RBM19: variants seen among roughly 807,000 people sequenced by gnomAD.
RBM19 encodes the protein RNA binding motif protein 19.
Under a neutral mutation model 116.8 loss-of-function variants are expected in RBM19, and 94 were observed. The observed-to-expected ratio is 0.80, with a 90% confidence interval of 0.68 to 0.95. The LOEUF is 0.95. Ranked by LOEUF, RBM19 falls within the 40% of genes least tolerant of loss-of-function variation. RBM19 has a pLI of 0.00. For missense variants in RBM19, 1,161 were observed against 1,220.7 expected (o/e 0.95, Z 0.73); for synonymous variants, 475 against 494.1 (o/e 0.96, Z 0.51).
chr12:113,945,040 G>A (rs1176652483), intron 13 of RBM19, among the ~76,000 whole-genome samples: 2 of 152,094 alleles, frequency 1.3e-5, no homozygotes, highest in Non-Finnish European at 2.9e-5. Context: ...TAATATAAAT[G>A]TACAACATGA....
chr12:113,852,188 A>G (rs1474019788), intron 22 of RBM19, among the ~76,000 whole-genome samples: 2 of 152,040 alleles, frequency 1.3e-5, no homozygotes, highest in African/African-American at 4.8e-5. Context: ...AGTCCTTCTC[A>G]CTCTGATCTC....
At chr12:113,847,245 C>A (rs777963163) in intron 22 of RBM19, among the ~76,000 whole-genome samples, 3 of 152,164 alleles carry the variant, frequency 2.0e-5, no homozygotes, top group Non-Finnish European at 4.4e-5. Flanking sequence ...GAACATGCAT[C>A]TTTTTAAAAC....
At chr12:113,906,341 T>C (rs775734028) in intron 21 of RBM19, among the ~76,000 whole-genome samples, 3 of 152,106 alleles carry the variant, frequency 2.0e-5, no homozygotes, top group Non-Finnish European at 1.5e-5. Context: ...AGAATGATGA[T>C]CAAAGAAGCC....
intron 18 of RBM19, among the ~76,000 whole-genome samples, chr12:113,923,126 T>A (rs530200866): frequency 6.6e-6 from 1 of 152,272 alleles, no homozygotes; most frequent in East Asian, 1.9e-4. Context: ...AGAGTGAGAC[T>A]CTGTCTCGAA....
intron 2 of RBM19, among the ~76,000 whole-genome samples, chr12:113,961,882 CATT>C (rs1872528275): frequency 2.0e-5 from 3 of 152,232 alleles, no homozygotes; most frequent in African/African-American, 4.8e-5. Context: ...CTCCCAGCAT[CATT>C]GAGTGCTTGC....
Position 113,825,565 on chromosome 12 carries a change from G to A in RBM19, c.2786-2244C>T, listed in dbSNP as rs908457666. ...CCCCTCCCATCTGCTAATATGAGTT[G>A]GGGATGGCAGCTCACTCCTGGGGCA... On this transcript the variant is annotated intron_variant, in intron 23 of 23. Transcript: ENST00000261741. This position sits in a 1 kb window ranked among gnomAD's most constrained non-coding sequence, Gnocchi z 5.7. Among the ~76,000 whole-genome samples the A allele has an allele frequency of 6.6e-6, 1 of 152,182 alleles. No individual in the cohort carries two copies. Among genetic ancestry groups the A allele is most frequent in the African/African-American group, 2.4e-5 (1 of 41,448 alleles).
intron 21 of RBM19, among the ~76,000 whole-genome samples, chr12:113,905,204 G>A (rs1040901233): frequency 3.3e-5 from 5 of 152,222 alleles, no homozygotes; most frequent in African/African-American, 9.6e-5. Flanking sequence ...TGGATATCAA[G>A]TCTATTACAA....
At chr12:113,949,183 T>A in intron 9 of RBM19, 147 bp from the exon 10 acceptor site, 2 of 732,284 alleles carry the variant, frequency 2.7e-6, no homozygotes, top group Non-Finnish European at 4.5e-6. Context: ...CCCTGTCACC[T>A]GAGGCGGCAG....
At chr12:113,941,080 AGCT>A (rs1870531967) in intron 14 of RBM19, among the ~76,000 whole-genome samples, 1 of 152,256 alleles carries the variant, frequency 6.6e-6, no homozygotes, top group African/African-American at 2.4e-5. Flanking sequence ...AATAAGTCTT[AGCT>A]CAGCCGCTAA....
chr12:113,850,352 T>C (rs1877355413), intron 22 of RBM19, among the ~76,000 whole-genome samples: 1 of 152,244 alleles, frequency 6.6e-6, no homozygotes, highest in African/African-American at 2.4e-5. Context: ...GCTGCCCTCA[T>C]GATCCAGCTC....
chr12:113,926,187 T>C (rs960622494), intron 17 of RBM19, among the ~76,000 whole-genome samples: 4 of 152,126 alleles, frequency 2.6e-5, no homozygotes, highest in Non-Finnish European at 5.9e-5. Context: ...CCTCCATATC[T>C]TCTGCCCACC....
chr12:113,933,922 T>A (rs56063772), intron 16 of RBM19, among the ~76,000 whole-genome samples: 28,509 of 152,106 alleles, frequency 0.19, 3,292 homozygotes, highest in Middle Eastern at 0.32. Flanking sequence ...CATGGTGAGT[T>A]AAAGACTATC....
intron 2 of RBM19, 48 bp from the exon 3 acceptor site, chr12:113,960,226 G>A (rs200341357): frequency 9.6e-5 from 154 of 1,611,176 alleles, no homozygotes; most frequent in East Asian, 5.4e-4. Flanking sequence ...GCACCCAGGC[G>A]TTGGGTGCTG....
At chr12:113,960,003 G>T in intron 3 of RBM19, 56 bp downstream of exon 3, 1 of 1,614,042 alleles carries the variant, frequency 6.2e-7, no homozygotes, top group Admixed American at 1.7e-5. Context: ...GGAACCAAAA[G>T]TGAGTGACTA....
At chr12:113,957,588 T>A in intron 6 of RBM19, among the ~76,000 whole-genome samples, 194 bp downstream of exon 6, 1 of 151,222 alleles carries the variant, frequency 6.6e-6, no homozygotes, top group Admixed American at 6.6e-5. Flanking sequence ...TAAAATAAAA[T>A]AAAAATAAAA....
intron 21 of RBM19, among the ~76,000 whole-genome samples, chr12:113,884,428 C>G (rs1396182291): frequency 1.3e-5 from 2 of 152,086 alleles, no homozygotes; most frequent in African/African-American, 4.8e-5. Context: ...TGTCTGGAGG[C>G]ATTTTTAGTT....
Position 113,962,285 on chromosome 12 carries a change from G to A in RBM19, c.166C>T (p.Gln56Ter). 1 of 1,614,232 alleles carries A rather than the reference G, an allele frequency of 6.2e-7. No individual in the cohort carries two copies. ...TTGTTGAAATGCTTCTGTGCCTTCT[G>A]GGCCTCTTCCTCGGACTTGAAGCCA... ...FIGFKSEEEAQKAQKHFNKSF... is the reference protein window; with the variant it reads ...FIGFKSEEEA Residue 56 changes from glutamine to a stop codon, truncating the protein, a stop_gained, in exon 2 of 24, where the codon CAG (glutamine) becomes TAG (stop). Transcript: ENST00000261741. LOFTEE classifies it high-confidence loss of function.
At chr12:113,857,078 A>G (rs1877968672) in intron 22 of RBM19, among the ~76,000 whole-genome samples, 1 of 152,198 alleles carries the variant, frequency 6.6e-6, no homozygotes. Context: ...TTTCTCCCCC[A>G]AGCACAGCCT....
intron 11 of RBM19, among the ~76,000 whole-genome samples, chr12:113,946,861 G>C (rs1291074981): frequency 6.6e-6 from 1 of 152,250 alleles, no homozygotes; most frequent in Non-Finnish European, 1.5e-5. Context: ...ATAAATCAAT[G>C]AATGAATGAG....
Sources: allele counts gnomAD v4.1 joint callset (sites outside exome capture counted in the v4.1 genomes callset), GRCh38; gene constraint gnomAD v4.1.1; non-coding constraint Gnocchi (gnomAD v3.1); transcripts MANE v1.5; gene names NCBI Gene and HGNC (gene_info 2026-07-23, HGNC 2026-07-21).